Variants in MARK2 observed in about 807,000 individuals in gnomAD.
MARK2 encodes microtubule affinity regulating kinase 2, also known as serine/threonine-protein kinase MARK2.
MARK2 carries 16 observed loss-of-function variants against 89.8 expected under a neutral mutation model. The observed-to-expected ratio is 0.18, with a 90% confidence interval of 0.12 to 0.27. The LOEUF (loss-of-function observed/expected upper bound fraction) is 0.27, where lower values mean the gene tolerates loss of function less well. Among genes scored for constraint, MARK2 ranks in the 10% least tolerant of loss-of-function variants. MARK2 has a pLI of 1.00. For missense variants in MARK2, 621 were observed against 1,049.9 expected, an observed-to-expected ratio of 0.59 and a Z score of 5.65; for synonymous variants, 382 against 399.5, an observed-to-expected ratio of 0.96 and a Z score of 0.52.
Position 63,895,647 on chromosome 11 carries a change from A to T in MARK2, c.288+14A>T. 1 of 1,410,592 alleles carries T rather than the reference A, an allele frequency of 7.1e-7. No individual in the cohort carries two copies. Among genetic ancestry groups the T allele is most frequent in the Middle Eastern group, 2.3e-4 (1 of 4,266 alleles). 87.4% of individuals were successfully genotyped at this position (1,410,592 alleles called of 1,614,324 possible). A position where few individuals can be genotyped will look rare whatever the true frequency, so the allele number is the denominator to read the frequency against. ...AGCCTCCAGAAAGTAAGCACATGGCACCTCCTGTCCCTTTTTTTTTTTTTT... is the reference window on the plus strand; with the variant it reads ...AGCCTCCAGAAAGTAAGCACATGGCTCCTCCTGTCCCTTTTTTTTTTTTTT... On this transcript the variant is annotated intron_variant, in intron 3 of 18. Coordinates refer to ENST00000402010, the MANE Select transcript of MARK2 (RefSeq NM_001039469.3).
At position 63,904,988 on chromosome 11, in the gene MARK2, C is replaced by T. The variant is rs185974234; in HGVS notation, c.1879C>T (p.Arg627Trp). The change falls in exon 16 of 19, where the codon CGG (arginine) becomes TGG (tryptophan). Residue 627 changes from arginine to tryptophan, a missense_variant. Coordinates refer to ENST00000402010, the MANE Select transcript of MARK2 (RefSeq NM_001039469.3). This position sits in a 1 kb window ranked among gnomAD's most constrained non-coding sequence, Gnocchi z 6.3. Reference protein sequence around the residue: ...PASPSGHSQGRRGASGSIFSK... With the variant: ...PASPSGHSQGWRGASGSIFSK... ...CTCTCCCTCTGGCCACAGCCAGGGC[C>T]GGCGGGGGGCCTCTGGGAGCATCTT... The T allele has an allele frequency of 5.6e-6, 9 of 1,613,986 alleles. No individual in the cohort carries two copies. Among genetic ancestry groups the T allele is most frequent in the South Asian group, 3.3e-5 (3 of 91,090 alleles).
intron 1 of MARK2, among the ~76,000 whole-genome samples, chr11:63,874,594 T>G (rs1213244885): frequency 6.6e-6 from 1 of 152,200 alleles, no homozygotes; most frequent in East Asian, 1.9e-4. Flanking sequence ...TGCTTTATAT[T>G]TGAGCAAAAA....
intron 17 of MARK2, 112 bp from the exon 18 acceptor site, chr11:63,908,148 G>A: frequency 1.1e-6 from 1 of 947,012 alleles, no homozygotes; most frequent in South Asian, 1.5e-5. Context: ...CTGGGCTTGG[G>A]TCCTGCCCAC....
chr11:63,888,533 C>CT (rs1366834748), intron 1 of MARK2: 2 of 1,021,164 alleles, frequency 2.0e-6, no homozygotes, highest in Admixed American at 1.1e-4. Context: ...AAACCCGCCT[C>CT]TTTCTCTGTC....
rs894240023 is a variant in MARK2 at position 63,910,056 on chromosome 11, G to A, written c.*819G>A. On this transcript the variant is annotated 3_prime_UTR_variant, in exon 19 of 19. Coordinates refer to ENST00000402010, the MANE Select transcript of MARK2 (RefSeq NM_001039469.3). ...CTTCTCCCACCCCTCCCGGGTAGAA[G>A]GAGGGGCTGACCCCAGGGCTGGGAG... The A allele has an allele frequency of 3.9e-5, 6 of 152,512 alleles. No individual in the cohort carries two copies. Among genetic ancestry groups the A allele is most frequent in the African/African-American group, 1.4e-4 (6 of 41,578 alleles). The allele number at this position is 152,512 out of a possible 1,614,324, so 9.4% of individuals were successfully genotyped here. A position where few individuals can be genotyped will look rare whatever the true frequency, so the allele number is the denominator to read the frequency against.
intron 4 of MARK2, 26 bp downstream of exon 4, chr11:63,898,306 T>G (rs779441659): frequency 6.2e-7 from 1 of 1,606,798 alleles, no homozygotes; most frequent in Non-Finnish European, 8.5e-7. Context: ...TATTTCTTTC[T>G]TCTTCCCCAA....
chr11:63,909,511 G>A lies in MARK2; in HGVS notation c.*274G>A. 2 of 354,986 alleles carry A rather than the reference G, an allele frequency of 5.6e-6. No individual in the cohort carries two copies. Among genetic ancestry groups the A allele is most frequent in the Non-Finnish European group, 1.0e-5 (2 of 196,250 alleles). 22.0% of individuals were successfully genotyped at this position (354,986 alleles called of 1,614,324 possible). On this transcript the variant is annotated 3_prime_UTR_variant, in exon 19 of 19. Coordinates refer to ENST00000402010, the MANE Select transcript of MARK2 (RefSeq NM_001039469.3). ...AGGGGAGGGTGGATGGGGGGGCAGG[G>A]CTCCCCCTCGGTACTGCGGTTGCAC...
At chr11:63,870,240 T>C (rs1938368865) in intron 1 of MARK2, among the ~76,000 whole-genome samples, 1 of 152,170 alleles carries the variant, frequency 6.6e-6, no homozygotes, top group African/African-American at 2.4e-5. Flanking sequence ...TGATTTATTT[T>C]GTATTTTGTA....
At chr11:63,858,854 C>A (rs1291418679) in intron 1 of MARK2, among the ~76,000 whole-genome samples, 1 of 152,138 alleles carries the variant, frequency 6.6e-6, no homozygotes, top group African/African-American at 2.4e-5. Context: ...ATTTCTGGGG[C>A]CCTGGCTGGG....
At chr11:63,848,920 G>A (rs1305978138) in intron 1 of MARK2, among the ~76,000 whole-genome samples, 2 of 151,968 alleles carry the variant, frequency 1.3e-5, no homozygotes, top group African/African-American at 4.8e-5. Context: ...TGTTGGCCAG[G>A]ATGGTCTCGA....
intron 17 of MARK2, among the ~76,000 whole-genome samples, chr11:63,907,617 G>A (rs1233975765): frequency 6.6e-6 from 1 of 151,568 alleles, no homozygotes; most frequent in African/African-American, 2.4e-5. Flanking sequence ...CTGCGTATGA[G>A]CAGATGGCCT....
rs1160755838 is a variant in MARK2, at chr11:63,908,280, G to A, written c.1982G>A (p.Ser661Asn). The change falls in exon 18 of 19, where the codon AGC (serine) becomes AAC (asparagine). Residue 661 changes from serine (S) to asparagine (N), a missense_variant. This residue lies in a region of MARK2 where 397 missense variants were observed against 567.8 expected (regional missense o/e 0.70). Transcript: ENST00000402010. Reference sequence around the variant, plus strand: ...TTGAGGAACCTGAATGAACCTGAAAGCAAAGACCGAGTGGAGACGCTCAGG... The same window carrying A: ...TTGAGGAACCTGAATGAACCTGAAAACAAAGACCGAGTGGAGACGCTCAGG... The part of the protein sequence containing the change: ...FARRNLNEPE[S>N]KDRVETLRPH... The A allele has an allele frequency of 3.2e-6, 5 of 1,566,252 alleles. No individual in the cohort carries two copies. The African/African-American group carries it at 5.4e-5, about 17-fold the overall frequency.
At chr11:63,906,151 G>GTC (rs1554987673) in intron 17 of MARK2, 37 bp downstream of exon 17, 42 of 1,291,694 alleles carry the variant, frequency 3.3e-5, no homozygotes, top group Middle Eastern at 4.5e-4. Flanking sequence ...GTGTGTGTGT[G>GTC]TGTGTCTGTG....
chr11:63,899,159 C>A, intron 7 of MARK2, 51 bp downstream of exon 7: 1 of 1,153,134 alleles, frequency 8.7e-7, no homozygotes. Flanking sequence ...AGGTTGTTGC[C>A]TCTTGGTTCT....
At chr11:63,859,953 A>G (rs1290492639) in intron 1 of MARK2, among the ~76,000 whole-genome samples, 1 of 152,102 alleles carries the variant, frequency 6.6e-6, no homozygotes, top group Non-Finnish European at 1.5e-5. Context: ...TCTTAATGAA[A>G]CATACCTGTA....
Position 63,899,866 on chromosome 11 carries a change from C to T in MARK2, c.532-8C>T, listed in dbSNP as rs372410310. The T allele has an allele frequency of 7.5e-6, 12 of 1,600,138 alleles. No individual in the cohort carries two copies. The highest frequency in any genetic ancestry group is 9.4e-6 in the Non-Finnish European group (11 of 1,167,680). On this transcript the variant is annotated splice_region_variant and splice_polypyrimidine_tract_variant and intron_variant, in intron 7 of 18. Transcript: ENST00000402010. Reference sequence around the variant, plus strand: ...TGGTTCCCTGATGTTTTCCATCTTACCTCCCAGGCAGAAAACCTGCTCTTG... The same window carrying T: ...TGGTTCCCTGATGTTTTCCATCTTATCTCCCAGGCAGAAAACCTGCTCTTG...
intron 1 of MARK2, chr11:63,869,139 C>T (rs1250041555): frequency 1.6e-5 from 5 of 317,690 alleles, no homozygotes; most frequent in African/African-American, 1.1e-4. Context: ...AAGAAGGCAC[C>T]AGCTGTGTGG....
chr11:63,853,148 C>T (rs1358913909), intron 1 of MARK2, among the ~76,000 whole-genome samples: 1 of 152,184 alleles, frequency 6.6e-6, no homozygotes, highest in Non-Finnish European at 1.5e-5. Context: ...CCTGTAATCC[C>T]AGCAGTTTGG....
chr11:63,859,306 A>G (rs1590989007), intron 1 of MARK2, among the ~76,000 whole-genome samples: 1 of 148,428 alleles, frequency 6.7e-6, no homozygotes, highest in African/African-American at 2.5e-5. Context: ...GACTCTTTTT[A>G]ACCTGTTTAT....
Sources: gnomAD v4.1 joint callset for allele counts (sites outside exome capture counted in the v4.1 genomes callset) on GRCh38, gnomAD v4.1.1 for gene constraint, gnomAD v4.1.1 regional missense constraint, Gnocchi (gnomAD v3.1) non-coding constraint, MANE v1.5 for transcripts, NCBI Gene and HGNC (gene_info 2026-07-23, HGNC 2026-07-21) for gene names.